Variants in HS6ST2 observed in about 807,000 individuals in gnomAD.
The protein encoded by HS6ST2 is heparan sulfate 6-O-sulfotransferase 2, also known as heparan-sulfate 6-O-sulfotransferase 2.
In HS6ST2, 17 loss-of-function variants were observed where a neutral mutation model predicts 33.0. That is an observed-to-expected ratio of 0.52 (90% CI 0.35 to 0.77). The LOEUF is 0.77. Among genes scored for constraint, HS6ST2 ranks in the 30% least tolerant of loss-of-function variants. The probability of loss-of-function intolerance (pLI) is 0.01; values close to 1 mark genes in which losing one functional copy is unlikely to be tolerated. For missense variants in HS6ST2, 519 were observed against 551.7 expected, an observed-to-expected ratio of 0.94 and a Z score of 0.59; for synonymous variants, 248 against 237.1, an observed-to-expected ratio of 1.05 and a Z score of -0.42.
chrX:132,810,319 T>C (rs913547466), intron 2 of HS6ST2, among the ~76,000 whole-genome samples: 1 of 108,950 alleles, frequency 9.2e-6, no homozygotes, highest in Non-Finnish European at 1.9e-5. Flanking sequence ...GGCGGGAGGA[T>C]TGCTTGAGCC....
intron 2 of HS6ST2, among the ~76,000 whole-genome samples, chrX:132,915,093 C>T (rs755763180): frequency 3.6e-5 from 4 of 112,378 alleles, no homozygotes; most frequent in African/African-American, 1.3e-4. Context: ...CAGCTAATCC[C>T]CACATTAGCC....
chrX:132,724,284 T>C (rs913874727), intron 2 of HS6ST2, among the ~76,000 whole-genome samples: 3 of 112,659 alleles, frequency 2.7e-5, no homozygotes, highest in Non-Finnish European at 1.9e-5. Flanking sequence ...AAAAAACTAT[T>C]AGAACTGGTA....
chrX:132,651,036 G>A (rs1300653071), intron 4 of HS6ST2, among the ~76,000 whole-genome samples: 1 of 111,312 alleles, frequency 9.0e-6, no homozygotes, highest in Non-Finnish European at 1.9e-5. Context: ...CCAAAGTGTT[G>A]GAGTTCAGGC....
rs1227871252 is a variant in HS6ST2 at position 132,957,412 on chromosome X, C to T, written c.429-86G>A. 1.8e-5 allele frequency: 18 copies of T among 992,528 alleles called. No homozygotes were observed. In the African/African-American group the frequency reaches 3.3e-4, roughly 18 times the overall value. The allele number at this position is 992,528 out of a possible 1,213,427, so 81.8% of individuals were successfully genotyped here. Reference sequence around the variant, plus strand: ...CCGCACCGCCCCCTTCCCCTGGAGCCGCTGCTGCGCCCCTCTCCCCCTCCC... The same window carrying T: ...CCGCACCGCCCCCTTCCCCTGGAGCTGCTGCTGCGCCCCTCTCCCCCTCCC... On this transcript the variant is annotated intron_variant, in intron 1 of 4. Coordinates refer to ENST00000370833, the MANE Select transcript of HS6ST2 (RefSeq NM_001394073.1).
chrX:132,750,481 T>G (rs1429531824), intron 2 of HS6ST2, among the ~76,000 whole-genome samples: 1 of 111,232 alleles, frequency 9.0e-6, no homozygotes, highest in East Asian at 2.8e-4. Context: ...CTTTTAAAAC[T>G]ACAACAATAT....
At chrX:132,733,609 A>G (rs964158984) in intron 2 of HS6ST2, among the ~76,000 whole-genome samples, 1 of 111,505 alleles carries the variant, frequency 9.0e-6, no homozygotes, top group Non-Finnish European at 1.9e-5. Context: ...CTCTACTTCA[A>G]TTTGAATTCC....
chrX:132,695,321 C>T (rs1359757377), intron 3 of HS6ST2, among the ~76,000 whole-genome samples: 4 of 111,708 alleles, frequency 3.6e-5, no homozygotes, highest in African/African-American at 6.5e-5. Context: ...AGATTGTTAT[C>T]CTAATGCACT....
rs190386849 is a variant in HS6ST2 at position 132,732,478 on chromosome X, G to A, written c.948-23984C>T. ...AAATACTGCTTGATACCGTTTGGCC[G>A]TGTTCCCATCCAAATCTCACCTTGA... On this transcript the variant is annotated intron_variant, in intron 2 of 4. Transcript: ENST00000370833. Among the ~76,000 whole-genome samples the A allele has an allele frequency of 9.8e-5, 11 of 111,710 alleles. No individual in the cohort carries two copies. In the East Asian group the frequency reaches 2.0e-3, roughly 20 times the overall value.
chrX:132,746,878 G>A (rs1445254386), intron 2 of HS6ST2, among the ~76,000 whole-genome samples: 1 of 111,908 alleles, frequency 8.9e-6, no homozygotes, highest in Non-Finnish European at 1.9e-5. Flanking sequence ...ATCCTGCCCA[G>A]TGAATAACAA....
intron 2 of HS6ST2, among the ~76,000 whole-genome samples, chrX:132,812,544 T>C (rs1421615962): frequency 1.9e-5 from 2 of 106,326 alleles, no homozygotes; most frequent in Non-Finnish European, 3.9e-5. Flanking sequence ...TGAGCATCTT[T>C]TCATTTGCTT....
chrX:132,950,582 A>G (rs977061642), intron 2 of HS6ST2, among the ~76,000 whole-genome samples: 4 of 111,708 alleles, frequency 3.6e-5, no homozygotes, highest in Non-Finnish European at 5.6e-5. Context: ...AGGCAAAAAA[A>G]GTATTCTATG....
chrX:132,769,082 G>A lies in HS6ST2; in HGVS notation c.948-60588C>T, dbSNP rs149488495. Among the ~76,000 whole-genome samples, 33 of 112,006 alleles carry A rather than the reference G, an allele frequency of 2.9e-4. No individual in the cohort carries two copies. The East Asian group carries it at 6.2e-3, about 21-fold the overall frequency. ...TTGAATCAGTGAGGTAAAATTGGCA[G>A]GCAGGAAGGTAATGCCAGACACTAA... On this transcript the variant is annotated intron_variant, in intron 2 of 4. Coordinates refer to ENST00000370833, the MANE Select transcript of HS6ST2 (RefSeq NM_001394073.1).
At chrX:132,682,033 C>A (rs2148219655) in intron 3 of HS6ST2, among the ~76,000 whole-genome samples, 1 of 112,054 alleles carries the variant, frequency 8.9e-6, no homozygotes, top group African/African-American at 3.2e-5. Context: ...GAGCAAACTC[C>A]TTGCAGAGAA....
chrX:132,782,817 G>A (rs2065027327), intron 2 of HS6ST2, among the ~76,000 whole-genome samples: 2 of 111,393 alleles, frequency 1.8e-5, no homozygotes, highest in African/African-American at 6.5e-5. Context: ...ATGAAGGCAG[G>A]TTAGATAAGG....
intron 4 of HS6ST2, among the ~76,000 whole-genome samples, chrX:132,660,443 AAGAGAG>A (rs947672142): frequency 9.1e-6 from 1 of 110,326 alleles, no homozygotes; most frequent in Non-Finnish European, 1.9e-5. Context: ...TCTTTCAAAG[AAGAGAG>A]AGAGAGAGAG....
chrX:132,870,751 A>T (rs757636306), intron 2 of HS6ST2, among the ~76,000 whole-genome samples: 147 of 111,982 alleles, frequency 1.3e-3, no homozygotes, highest in African/African-American at 3.9e-3. Flanking sequence ...CTTACACCTT[A>T]TACAAAAATT....
chrX:132,901,860 A>T (rs1330758389), intron 2 of HS6ST2, among the ~76,000 whole-genome samples: 4 of 111,393 alleles, frequency 3.6e-5, no homozygotes, highest in African/African-American at 1.3e-4. Context: ...TGAGGGGAAA[A>T]GTCGGGGGAG....
chrX:132,670,523 G>A (rs928346696), intron 3 of HS6ST2, among the ~76,000 whole-genome samples: 9 of 112,177 alleles, frequency 8.0e-5, no homozygotes, highest in Admixed American at 2.8e-4. Flanking sequence ...GTCTAGGCTG[G>A]GCGCGGTGGC....
chrX:132,798,598 ATAGT>A (rs1223141227), intron 2 of HS6ST2, among the ~76,000 whole-genome samples: 1 of 112,099 alleles, frequency 8.9e-6, no homozygotes, highest in Non-Finnish European at 1.9e-5. Flanking sequence ...GTCAAAACAT[ATAGT>A]TAGTTATTTT....
Sources: gnomAD v4.1 joint callset for allele counts (sites outside exome capture counted in the v4.1 genomes callset) on GRCh38, gnomAD v4.1.1 for gene constraint, MANE v1.5 for transcripts, NCBI Gene and HGNC (gene_info 2026-07-23, HGNC 2026-07-21) for gene names.